The following FGD4 variants were observed in gnomAD, a reference collection of about 807,000 sequenced individuals.
FGD4 encodes FYVE, RhoGEF and PH domain-containing protein 4.
In FGD4, 42 loss-of-function variants were observed where a neutral mutation model predicts 102.0. That is an observed-to-expected ratio of 0.41 (90% CI 0.32 to 0.53). FGD4 has a LOEUF of 0.53. Among genes scored for constraint, FGD4 ranks in the 20% least tolerant of loss-of-function variants. The pLI, the probability that FGD4 is intolerant of heterozygous loss-of-function variation, is 0.21. For missense variants in FGD4, 902 were observed against 1,078.2 expected, an observed-to-expected ratio of 0.84 and a Z score of 2.29; for synonymous variants, 380 against 375.7, an observed-to-expected ratio of 1.01 and a Z score of -0.13.
At chr12:32,428,703 A>G (rs757853534) in intron 1 of FGD4, among the ~76,000 whole-genome samples, 14 of 152,146 alleles carry the variant, frequency 9.2e-5, no homozygotes, top group Non-Finnish European at 2.1e-4. Flanking sequence ...AGGTACATCA[A>G]TCAAACGTAG....
intron 1 of FGD4, among the ~76,000 whole-genome samples, chr12:32,432,051 A>ATTTTTTTT (rs60933809): frequency 9.3e-6 from 1 of 107,710 alleles, no homozygotes; most frequent in Admixed American, 1.0e-4. Context: ...TAATCCTAGC[A>ATTTTTTTT]TTTTTTTTTT....
chr12:32,582,705 CAG>C, intron 4 of FGD4: 1 of 561,704 alleles, frequency 1.8e-6, no homozygotes, highest in Non-Finnish European at 3.1e-6. Context: ...GGAGTCAGAA[CAG>C]TGTGGAAACT....
intron 1 of FGD4, among the ~76,000 whole-genome samples, chr12:32,553,631 T>C (rs1171658679): frequency 2.0e-5 from 3 of 152,208 alleles, no homozygotes; most frequent in Non-Finnish European, 4.4e-5. Context: ...TCTGTAGTTA[T>C]CTCCCTTCAA....
chr12:32,524,395 C>CAAAAAAAA (rs959203100), intron 1 of FGD4, among the ~76,000 whole-genome samples: 2 of 69,304 alleles, frequency 2.9e-5, no homozygotes, highest in African/African-American at 1.2e-4. Context: ...GACTCTGTCT[C>CAAAAAAAA]AAAAAAAAAA....
intron 8 of FGD4, among the ~76,000 whole-genome samples, chr12:32,610,308 G>A (rs1158584861): frequency 3.3e-5 from 5 of 152,162 alleles, no homozygotes; most frequent in African/African-American, 1.2e-4. Flanking sequence ...AAAGTACCTG[G>A]TATGGATTTA....
chr12:32,638,982 T>A, intron 16 of FGD4, 187 bp downstream of exon 16: 1 of 1,432,332 alleles, frequency 7.0e-7, no homozygotes, highest in Admixed American at 2.9e-5. Flanking sequence ...AGCCTATATT[T>A]TCTTCAGTTT....
At position 32,641,900 on chromosome 12, in the gene FGD4, C is replaced by T. The variant is rs1951171654; in HGVS notation, c.*1367C>T. 6.6e-6 allele frequency: 1 copy of T among 152,042 alleles called. No homozygotes were observed. Among genetic ancestry groups the T allele is most frequent in the Admixed American group, 6.5e-5 (1 of 15,268 alleles). 9.4% of individuals were successfully genotyped at this position (152,042 alleles called of 1,614,324 possible). A position where few individuals can be genotyped will look rare whatever the true frequency, so the allele number is the denominator to read the frequency against. ...ACTAAGTTTACTATTTAACTTAATCCTTTTTCTCAAATTAAACCTTTTTTT... is the reference window on the plus strand; with the variant it reads ...ACTAAGTTTACTATTTAACTTAATCTTTTTTCTCAAATTAAACCTTTTTTT... On this transcript the variant is annotated 3_prime_UTR_variant, in exon 17 of 17. Transcript: ENST00000534526.
At chr12:32,639,065 T>C in intron 16 of FGD4, 1 of 777,560 alleles carries the variant, frequency 1.3e-6, no homozygotes, top group Non-Finnish European at 1.8e-6. Flanking sequence ...GGAATGAGCA[T>C]GAGGAGAAGG....
chr12:32,608,108 T>G lies in FGD4; in HGVS notation c.1543+13T>G. On this transcript the variant is annotated intron_variant, in intron 8 of 16. Transcript: ENST00000534526. ...AATGATGCTAAAAGTAAATGCTTTT[T>G]TTTTGTTTTCTCCCTATTTTGGAAT... 1 of 1,614,122 alleles carries G rather than the reference T, an allele frequency of 6.2e-7. No homozygotes were observed. Among genetic ancestry groups the G allele is most frequent in the Non-Finnish European group, 8.5e-7 (1 of 1,179,988 alleles).
intron 1 of FGD4, among the ~76,000 whole-genome samples, chr12:32,432,552 C>T (rs1942085923): frequency 6.6e-6 from 1 of 150,398 alleles, no homozygotes; most frequent in East Asian, 2.0e-4. Context: ...TGCAGTGAGC[C>T]AAGATCGCGC....
At chr12:32,437,197 T>C (rs907715295) in intron 1 of FGD4, among the ~76,000 whole-genome samples, 1 of 151,884 alleles carries the variant, frequency 6.6e-6, no homozygotes, top group Non-Finnish European at 1.5e-5. Flanking sequence ...AAATACATTC[T>C]CTTTCGGGTC....
intron 3 of FGD4, among the ~76,000 whole-genome samples, chr12:32,580,841 T>G (rs1946549894): frequency 6.7e-6 from 1 of 148,848 alleles, no homozygotes; most frequent in Non-Finnish European, 1.5e-5. Context: ...GAGCCAAGAT[T>G]GCGCCACTGC....
At chr12:32,409,116 C>A (rs1941084938) in intron 1 of FGD4, among the ~76,000 whole-genome samples, 1 of 152,150 alleles carries the variant, frequency 6.6e-6, no homozygotes, top group African/African-American at 2.4e-5. Flanking sequence ...TGTTTGGCTT[C>A]AAATTCTGTT....
At chr12:32,463,715 G>A (rs1375751059) in intron 1 of FGD4, among the ~76,000 whole-genome samples, 1 of 152,182 alleles carries the variant, frequency 6.6e-6, no homozygotes, top group African/African-American at 2.4e-5. Flanking sequence ...AAGAAACTTA[G>A]GCTCCAAGTT....
chr12:32,577,528 C>G (rs1003609717), intron 3 of FGD4, among the ~76,000 whole-genome samples: 1 of 152,136 alleles, frequency 6.6e-6, no homozygotes, highest in South Asian at 2.1e-4. Context: ...ATGTTGGTTC[C>G]TCCTATCAAT....
intron 5 of FGD4, among the ~76,000 whole-genome samples, chr12:32,600,835 A>T (rs1279566239): frequency 6.6e-6 from 1 of 151,808 alleles, no homozygotes; most frequent in African/African-American, 2.4e-5. Context: ...GAAAAATGAG[A>T]CTTATGTCAG....
chr12:32,615,129 T>C (rs553605809), intron 10 of FGD4, among the ~76,000 whole-genome samples: 1 of 152,282 alleles, frequency 6.6e-6, no homozygotes, highest in Non-Finnish European at 1.5e-5. Flanking sequence ...TGCAATGAAA[T>C]AGTATATGTC....
chr12:32,399,886 G>C lies in FGD4; in HGVS notation c.93G>C (p.Trp31Cys), dbSNP rs1477570180. The C allele has an allele frequency of 6.5e-7, 1 of 1,530,460 alleles. No individual in the cohort carries two copies. Among genetic ancestry groups the C allele is most frequent in the South Asian group, 1.2e-5 (1 of 83,826 alleles). 94.8% of individuals were successfully genotyped at this position (1,530,460 alleles called of 1,614,324 possible). A position where few individuals can be genotyped will look rare whatever the true frequency, so the allele number is the denominator to read the frequency against. Reference protein sequence around the residue: ...SYLPPGVPRPWSRPASHLGRV... With the variant: ...SYLPPGVPRPCSRPASHLGRV... ...TGCCGCCCGGGGTGCCCCGGCCCTG[G>C]AGCAGGCCCGCGTCGCACCTGGGAC... The change falls in exon 1 of 17, where the codon TGG (tryptophan) becomes TGC (cysteine). Residue 31 changes from tryptophan to cysteine, a missense_variant. Coordinates refer to ENST00000534526, the MANE Select transcript of FGD4 (RefSeq NM_001370298.3).
intron 2 of FGD4, among the ~76,000 whole-genome samples, chr12:32,575,248 T>C (rs952607693): frequency 2.0e-5 from 3 of 152,172 alleles, no homozygotes; most frequent in African/African-American, 7.2e-5. Context: ...AAGAGGCTTA[T>C]TGGGCTCACA....
Sources: allele counts gnomAD v4.1 joint callset (sites outside exome capture counted in the v4.1 genomes callset), GRCh38; gene constraint gnomAD v4.1.1; transcripts MANE v1.5; gene names NCBI Gene and HGNC (gene_info 2026-07-23, HGNC 2026-07-21).